The following C10orf90 variants were observed in gnomAD, a reference collection of about 807,000 sequenced individuals.
C10orf90 encodes the protein chromosome 10 open reading frame 90.
Under a neutral mutation model 62.5 loss-of-function variants are expected in C10orf90, and 56 were observed. That is an observed-to-expected ratio of 0.90 (90% CI 0.72 to 1.12). The LOEUF is 1.12. C10orf90 is among the 50% of genes most tolerant of loss of function. The pLI is 0.00. For synonymous variants in C10orf90, 386 were observed against 340.4 expected (o/e 1.13, Z -1.47); for missense variants, 970 against 880.4 (o/e 1.10, Z -1.29).
At chr10:126,624,345 A>T (rs190633172) in intron 2 of C10orf90, among the ~76,000 whole-genome samples, 35 of 148,108 alleles carry the variant, frequency 2.4e-4, no homozygotes, top group African/African-American at 8.4e-4. Context: ...GACTCCATCT[A>T]AAAAAAAAAG....
chr10:126,534,973 G>A (rs1864194200), intron 2 of C10orf90, among the ~76,000 whole-genome samples: 1 of 152,100 alleles, frequency 6.6e-6, no homozygotes, highest in African/African-American at 2.4e-5. Context: ...TGAGACCTAG[G>A]TGGTTTGCTC....
chr10:126,461,991 G>A (rs1017750802), intron 5 of C10orf90, among the ~76,000 whole-genome samples: 5 of 152,168 alleles, frequency 3.3e-5, no homozygotes, highest in Admixed American at 6.5e-5. Context: ...AGGACAGGGC[G>A]CTGGTATTCA....
chr10:126,498,495 C>T (rs111430850), intron 4 of C10orf90, among the ~76,000 whole-genome samples: 10 of 152,326 alleles, frequency 6.6e-5, no homozygotes, highest in African/African-American at 2.4e-4. Context: ...CCAGGTCTAG[C>T]CTAGCAAGAT....
chr10:126,502,529 C>T (rs1277764372), intron 4 of C10orf90: 2 of 167,794 alleles, frequency 1.2e-5, no homozygotes, highest in South Asian at 1.4e-4. Flanking sequence ...GGGGAAGTGT[C>T]CACACTCTTG....
chr10:126,565,307 TTATATTATA>T (rs1844341804), intron 2 of C10orf90, among the ~76,000 whole-genome samples: 1 of 65,684 alleles, frequency 1.5e-5, no homozygotes, highest in Non-Finnish European at 2.6e-5. Flanking sequence ...ATATTATATA[TTATATTATA>T]TATATTATAT....
At chr10:126,530,388 T>G (rs1864062060) in intron 2 of C10orf90, among the ~76,000 whole-genome samples, 1 of 151,452 alleles carries the variant, frequency 6.6e-6, no homozygotes, top group Non-Finnish European at 1.5e-5. Flanking sequence ...TTGTCAGGAA[T>G]AAGAGAGACA....
intron 2 of C10orf90, among the ~76,000 whole-genome samples, chr10:126,621,230 A>C (rs1845638482): frequency 6.6e-6 from 1 of 152,202 alleles, no homozygotes; most frequent in Admixed American, 6.5e-5. Flanking sequence ...CAACATATAA[A>C]CTTAGATTTT....
At chr10:126,494,808 A>G (rs954453199) in intron 4 of C10orf90, among the ~76,000 whole-genome samples, 8 of 152,260 alleles carry the variant, frequency 5.3e-5, no homozygotes, top group Admixed American at 5.2e-4. Context: ...GAACTGGATT[A>G]GGCAAGAGTA....
Position 126,665,284 on chromosome 10 carries a change from G to A in C10orf90, c.240+4957C>T, listed in dbSNP as rs138552686. Among the ~76,000 whole-genome samples the A allele has an allele frequency of 3.4e-3, 524 of 152,290 alleles. 5 individuals carry two copies. Among genetic ancestry groups the A allele is most frequent in the African/African-American group, 0.012 (502 of 41,566 alleles). On this transcript the variant is annotated intron_variant, in intron 1 of 9. Transcript: ENST00000488181. ...GGAAAGGTGAGACTCCAAAAGCTTTGATCTGGCTAAGCTCTTCAACTTGGT... is the reference window on the plus strand; with the variant it reads ...GGAAAGGTGAGACTCCAAAAGCTTTAATCTGGCTAAGCTCTTCAACTTGGT...
chr10:126,605,868 AATACATACATGCATAC>A (rs1206095266), intron 2 of C10orf90, among the ~76,000 whole-genome samples: 1 of 137,694 alleles, frequency 7.3e-6, no homozygotes, highest in African/African-American at 2.9e-5. Flanking sequence ...AAAACCTAAA[AATACATACATGCATAC>A]ATACATACAT....
chr10:126,612,284 A>G (rs1845451435), intron 2 of C10orf90, among the ~76,000 whole-genome samples: 1 of 152,124 alleles, frequency 6.6e-6, no homozygotes, highest in Non-Finnish European at 1.5e-5. Flanking sequence ...TCACACCACC[A>G]CACTCCAGCC....
chr10:126,532,586 C>T (rs1864122150), intron 2 of C10orf90, among the ~76,000 whole-genome samples: 1 of 151,688 alleles, frequency 6.6e-6, no homozygotes, highest in Non-Finnish European at 1.5e-5. Flanking sequence ...GCCTATAGTC[C>T]CTGCACTTTG....
At chr10:126,486,913 G>C (rs181482934) in intron 4 of C10orf90, among the ~76,000 whole-genome samples, 2 of 151,838 alleles carry the variant, frequency 1.3e-5, no homozygotes, top group African/African-American at 2.4e-5. Flanking sequence ...GAGGCCAAGG[G>C]GGGTGGATCA....
At chr10:126,615,486 G>C (rs558838875) in intron 2 of C10orf90, among the ~76,000 whole-genome samples, 6 of 152,134 alleles carry the variant, frequency 3.9e-5, no homozygotes, top group Non-Finnish European at 8.8e-5. Flanking sequence ...CATTATCTAT[G>C]AAAAAAAGAT....
At chr10:126,452,189 C>T (rs141779042) in intron 7 of C10orf90, among the ~76,000 whole-genome samples, 64 of 151,970 alleles carry the variant, frequency 4.2e-4, no homozygotes, top group African/African-American at 1.3e-3. Flanking sequence ...CAAATATATA[C>T]GACTTTTATT....
At chr10:126,660,641 G>C (rs1846490766) in intron 1 of C10orf90, among the ~76,000 whole-genome samples, 1 of 152,214 alleles carries the variant, frequency 6.6e-6, no homozygotes, top group South Asian at 2.1e-4. Context: ...ATCCTAATCA[G>C]AGAAGCCATC....
Position 126,505,071 on chromosome 10 carries a change from T to G in C10orf90, c.420A>C (p.Ser140=). ...KSDFTKETLA[S]QNTKMISSIV... is the part of the protein sequence containing the mutation. ...TGGATGAAATCATTTTTGTGTTTTG[T>G]GATGCCAGGGTCTCCTGCAAATAGA... Residue 140 remains serine (S), a synonymous_variant, in exon 4 of 10, where the codon TCA becomes TCC. Transcript: ENST00000488181. The G allele has an allele frequency of 1.2e-6, 2 of 1,608,610 alleles. No homozygotes were observed. Among genetic ancestry groups the G allele is most frequent in the Non-Finnish European group, 1.7e-6 (2 of 1,176,404 alleles).
intron 7 of C10orf90, among the ~76,000 whole-genome samples, chr10:126,443,896 C>T (rs571463281): frequency 6.6e-6 from 1 of 152,086 alleles, no homozygotes; most frequent in Admixed American, 6.6e-5. Context: ...TATAATACAC[C>T]ACCTAAACAG....
rs1859629311 is a variant in C10orf90 at position 126,456,998 on chromosome 10, CT to C, written c.2188+2041del. On this transcript the variant is annotated intron_variant, in intron 7 of 9. Coordinates refer to ENST00000488181, the MANE Select transcript of C10orf90 (RefSeq NM_001350921.2). This position sits in a 1 kb window ranked among gnomAD's most constrained non-coding sequence, Gnocchi z 4.9. ...TTTTTGTTTTTGCTTTTGTATTTTG[CT>C]TTTTCTGAGACAGGGTCTTGCTCTG... Among the ~76,000 whole-genome samples, 1 of 151,886 alleles carries C rather than the reference CT, an allele frequency of 6.6e-6. No homozygotes were observed. Among genetic ancestry groups the C allele is most frequent in the South Asian group, 2.1e-4 (1 of 4,818 alleles).
Sources: allele counts gnomAD v4.1 joint callset (sites outside exome capture counted in the v4.1 genomes callset), GRCh38; gene constraint gnomAD v4.1.1; non-coding constraint Gnocchi (gnomAD v3.1); transcripts MANE v1.5; gene names NCBI Gene and HGNC (gene_info 2026-07-23, HGNC 2026-07-21).